The following ADAMTS13 variants were observed in gnomAD, a reference collection of about 807,000 sequenced individuals.
ADAMTS13 encodes the protein A disintegrin and metalloproteinase with thrombospondin motifs 13.
In ADAMTS13, 110 loss-of-function variants were observed where a neutral mutation model predicts 155.1. The observed-to-expected ratio is 0.71, with a 90% CI of 0.61 to 0.83. The LOEUF is 0.83. Among genes scored for constraint, ADAMTS13 ranks in the 40% least tolerant of loss-of-function variants. ADAMTS13 has a pLI of 0.00. For synonymous variants in ADAMTS13, 758 were observed against 756.4 expected (o/e 1.00, Z -0.03); for missense variants, 1,707 against 1,891.7 (o/e 0.90, Z 1.81).
At position 133,423,145 on chromosome 9, in the gene ADAMTS13, G is replaced by C. The variant is rs782217202; in HGVS notation, c.150G>C (p.Leu50Phe). Reference protein sequence around the residue: ...ALEPQAVSSYLSPGAPLKGRP... With the variant: ...ALEPQAVSSYFSPGAPLKGRP... The stretch of plus-strand genomic sequence containing the variant: ...AGCCACAGGCCGTGTCTTCTTACTT[G>C]AGCCCTGGTGCTCCCTTAAAAGGTA... The change falls in exon 2 of 29, where the codon TTG becomes TTC. Residue 50 changes from leucine (L) to phenylalanine (F), a missense_variant. Leu to Phe is a conservative substitution (Grantham distance 22, BLOSUM62 0). Transcript: ENST00000355699. 1.9e-6 allele frequency: 3 copies of C among 1,613,768 alleles called. No homozygotes were observed. In the East Asian group the frequency reaches 6.7e-5, roughly 36 times the overall value.
chr9:133,433,587 T>TG (rs1159671467), intron 10 of ADAMTS13, 54 bp from the exon 11 acceptor site: 1 of 1,613,672 alleles, frequency 6.2e-7, no homozygotes, highest in Non-Finnish European at 8.5e-7. Flanking sequence ...AGTCCCTAGT[T>TG]GAAGGCAGTG....
intron 23 of ADAMTS13, among the ~76,000 whole-genome samples, chr9:133,452,267 C>T (rs988989278): frequency 6.6e-6 from 1 of 151,890 alleles, no homozygotes; most frequent in African/African-American, 2.4e-5. Flanking sequence ...TGCCCGCCAC[C>T]ACCCCCAACT....
At chr9:133,423,707 A>C (rs1554784249) in intron 2 of ADAMTS13, among the ~76,000 whole-genome samples, 1 of 152,200 alleles carries the variant, frequency 6.6e-6, no homozygotes, top group African/African-American at 2.4e-5. Context: ...GGTCAGGGGC[A>C]ACAGGAGGGC....
Position 133,455,420 on chromosome 9 carries a change from C to A in ADAMTS13, c.3385C>A (p.Pro1129Thr). Reference sequence around the variant, plus strand: ...GACTGTGCGTGGCTGCTGGGCTGGGCCCTGTGTGGGACAGGGTACGCCCAG... The same window carrying A: ...GACTGTGCGTGGCTGCTGGGCTGGGACCTGTGTGGGACAGGGTACGCCCAG... ...PVTVRGCWAG[P>T]CVGQGACGRQ... Residue 1129 changes from proline (P) to threonine (T), a missense_variant, in exon 25 of 29, where the codon CCC becomes ACC. Physicochemically the swap from Pro to Thr is conservative, Grantham distance 38 (BLOSUM62 -1). Around this residue, in one of 3 missense-constraint regions of ADAMTS13, gnomAD observed 961 missense variants for 1,107.9 expected, o/e 0.87. Coordinates refer to ENST00000355699, the MANE Select transcript of ADAMTS13 (RefSeq NM_139027.6). 6.2e-7 allele frequency: 1 copy of A among 1,612,534 alleles called. No individual in the cohort carries two copies. The highest frequency in any genetic ancestry group is 8.5e-7 in the Non-Finnish European group (1 of 1,179,884).
At position 133,426,262 on chromosome 9, in the gene ADAMTS13, C is replaced by G; in HGVS notation, c.603C>G (p.Ala201=). The G allele has an allele frequency of 6.2e-7, 1 of 1,612,440 alleles. No individual in the cohort carries two copies. Among genetic ancestry groups the G allele is most frequent in the Non-Finnish European group, 8.5e-7 (1 of 1,179,996 alleles). The change falls in exon 6 of 29, where the codon GCC becomes GCG. Residue 201 remains alanine (A), a synonymous_variant. Coordinates refer to ENST00000355699, the MANE Select transcript of ADAMTS13 (RefSeq NM_139027.6). ...QVRGVTQLGG[A]CSPTWSCLIT... is the part of the protein sequence containing the mutation. ...GGGGCGTCACCCAGCTGGGCGGTGCCTGCTCCCCAACCTGGAGCTGCCTCA... is the reference window on the plus strand; with the variant it reads ...GGGGCGTCACCCAGCTGGGCGGTGCGTGCTCCCCAACCTGGAGCTGCCTCA...
chr9:133,427,829 G>A (rs1260949002), intron 6 of ADAMTS13, among the ~76,000 whole-genome samples: 2 of 152,196 alleles, frequency 1.3e-5, no homozygotes, highest in Non-Finnish European at 2.9e-5. Context: ...CTAATTATAT[G>A]CAAATTAAGG....
At position 133,459,111 on chromosome 9, in the gene ADAMTS13, C is replaced by T. The variant is rs1554797132; in HGVS notation, c.4047C>T (p.Tyr1349=). The change falls in exon 29 of 29, where the codon TAC becomes TAT. Residue 1349 remains tyrosine (Y), a synonymous_variant. Coordinates refer to ENST00000355699, the MANE Select transcript of ADAMTS13 (RefSeq NM_139027.6). The stretch of plus-strand genomic sequence containing the variant: ...CTCAGGCCAGCCTGCGGGGCCAGTA[C>T]TGGACCCTCCAATCATGGGTACCGG... ...LKAQASLRGQ[Y]WTLQSWVPEM... is the part of the protein sequence containing the mutation. The T allele has an allele frequency of 1.2e-6, 2 of 1,612,874 alleles. No individual in the cohort carries two copies. Among genetic ancestry groups the T allele is most frequent in the Middle Eastern group, 1.6e-4 (1 of 6,082 alleles).
rs782561010 is a variant in ADAMTS13, at chr9:133,422,498, C to T, written c.55C>T (p.Leu19Phe). Residue 19 changes from leucine to phenylalanine, a missense_variant, in exon 1 of 29, where the codon CTT becomes TTT. Around this residue, in one of 3 missense-constraint regions of ADAMTS13, gnomAD observed 733 missense variants for 749.6 expected, o/e 0.98. Transcript: ENST00000355699. ...RCPPLCVAGI[L>F]ACGFLLGCWG... Reference sequence around the variant, plus strand: ...CCCTCCCCTCTGTGTGGCCGGAATCCTTGCCTGTGGCTTTCTCCTGGGCTG... The same window carrying T: ...CCCTCCCCTCTGTGTGGCCGGAATCTTTGCCTGTGGCTTTCTCCTGGGCTG... 32 of 1,614,004 alleles carry T rather than the reference C, an allele frequency of 2.0e-5. No individual in the cohort carries two copies. The East Asian group carries it at 7.1e-4, about 36-fold the overall frequency.
At position 133,425,501 on chromosome 9, in the gene ADAMTS13, G is replaced by A; in HGVS notation, c.331-28G>A. On this transcript the variant is annotated intron_variant, in intron 3 of 28. Transcript: ENST00000355699. This position sits in a 1 kb window ranked among gnomAD's most constrained non-coding sequence, Gnocchi z 4.6. The stretch of plus-strand genomic sequence containing the variant: ...GGGGCTGGCAATGCCCACCCGACGG[G>A]TTACCTCTCTCATCTGCCCTTGCAC... The A allele has an allele frequency of 6.2e-7, 1 of 1,605,086 alleles. No homozygotes were observed. The highest frequency in any genetic ancestry group is 8.5e-7 in the Non-Finnish European group (1 of 1,176,124).
At position 133,424,447 on chromosome 9, in the gene ADAMTS13, CAG is replaced by C. The variant is rs1554784645; in HGVS notation, c.302_303del (p.Glu101AlafsTer37). Reference sequence around the variant, plus strand: ...GTCTTCCAGGCTCACCAGGAGGACACAGAGCGCTATGTGCTCACCAACCTCAA... The same window carrying C: ...GTCTTCCAGGCTCACCAGGAGGACACAGCGCTATGTGCTCACCAACCTCAA... On this transcript the variant is annotated frameshift_variant, in exon 3 of 29. Coordinates refer to ENST00000355699, the MANE Select transcript of ADAMTS13 (RefSeq NM_139027.6). LOFTEE classifies it high-confidence loss of function. This position sits in a 1 kb window ranked among gnomAD's most constrained non-coding sequence, Gnocchi z 4.3. 1 of 1,613,890 alleles carries C rather than the reference CAG, an allele frequency of 6.2e-7. No individual in the cohort carries two copies. Among genetic ancestry groups the C allele is most frequent in the Non-Finnish European group, 8.5e-7 (1 of 1,179,958 alleles).
rs375703989 is a variant in ADAMTS13 at position 133,429,155 on chromosome 9, C to T, written c.824+384C>T. On this transcript the variant is annotated intron_variant, in intron 7 of 28. Coordinates refer to ENST00000355699, the MANE Select transcript of ADAMTS13 (RefSeq NM_139027.6). ...CCCACTCCTGCGCCCACCCCTCCGT[C>T]CCAACCCCTGCACCCACCCCCCCGT... Among the ~76,000 whole-genome samples the T allele has an allele frequency of 8.6e-4, 99 of 114,944 alleles. 1 individual carries two copies. The East Asian group carries it at 0.011, about 13-fold the overall frequency. 75.4% of individuals were successfully genotyped at this position (114,944 alleles called of 152,430 possible).
In ADAMTS13 at chr9:133,445,335, G is replaced by T. The variant is rs1489415708; in HGVS notation, c.2610+283G>T. ...AGAAATGCTGCCAGGCTCCCGCCTG[G>T]CGTCCAGGGGCTGGAGGCTGACTGG... On this transcript the variant is annotated intron_variant, in intron 20 of 28. Transcript: ENST00000355699. The surrounding 1 kb of genome is among the most constrained non-coding windows in gnomAD (Gnocchi z 5.0). 6.6e-6 allele frequency among the ~76,000 whole-genome samples: 1 copy of T among 152,216 alleles called. No homozygotes were observed. The highest frequency in any genetic ancestry group is 1.5e-5 in the Non-Finnish European group (1 of 68,020).
intron 11 of ADAMTS13, among the ~76,000 whole-genome samples, chr9:133,435,191 CTT>C (rs1415886784): frequency 6.5e-5 from 9 of 138,832 alleles, no homozygotes; most frequent in Admixed American, 2.2e-4. Flanking sequence ...TTTTTTTTTT[CTT>C]TTTTTTTTTT....
chr9:133,430,360 CT>C (rs1840660937), intron 8 of ADAMTS13, among the ~76,000 whole-genome samples: 1 of 152,240 alleles, frequency 6.6e-6, no homozygotes, highest in Non-Finnish European at 1.5e-5. Context: ...TGCCCAAGGA[CT>C]CCTGGCTGAG....
At chr9:133,428,856 C>T in intron 7 of ADAMTS13, 85 bp downstream of exon 7, 1 of 1,180,312 alleles carries the variant, frequency 8.5e-7, no homozygotes, top group Non-Finnish European at 1.0e-6. Context: ...CGTCCGTCCC[C>T]ACTCCGCATT....
intron 24 of ADAMTS13, 94 bp downstream of exon 24, chr9:133,454,713 A>T (rs1490406798): frequency 5.6e-6 from 8 of 1,423,194 alleles, no homozygotes; most frequent in Non-Finnish European, 7.6e-6. Context: ...GCATTGGCTC[A>T]TCGTGTCCCC....
intron 1 of ADAMTS13, chr9:133,415,850 G>A (rs587746815): frequency 1.3e-5 from 2 of 152,324 alleles, no homozygotes; most frequent in South Asian, 4.1e-4. Flanking sequence ...AATTTGACTG[G>A]TCCTGTGTGT....
intron 24 of ADAMTS13, 42 bp from the exon 25 acceptor site, chr9:133,455,243 C>T (rs1554795380): frequency 1.3e-6 from 2 of 1,592,412 alleles, no homozygotes; most frequent in Admixed American, 1.7e-5. Context: ...TTGTCACCTT[C>T]TGGCAGGGTC....
chr9:133,422,865 CACCCA>C (rs1840041548), intron 1 of ADAMTS13, among the ~76,000 whole-genome samples: 2 of 151,656 alleles, frequency 1.3e-5, no homozygotes, highest in Admixed American at 1.3e-4. Flanking sequence ...TGGTTGGCCT[CACCCA>C]CCTCCTGCCT....
Sources: gnomAD v4.1 joint callset for allele counts (sites outside exome capture counted in the v4.1 genomes callset) on GRCh38, gnomAD v4.1.1 for gene constraint, gnomAD v4.1.1 regional missense constraint, Gnocchi (gnomAD v3.1) non-coding constraint, MANE v1.5 for transcripts, NCBI Gene and HGNC (gene_info 2026-07-23, HGNC 2026-07-21) for gene names.